The following NCAPD2 variants were observed in gnomAD, a reference collection of about 807,000 sequenced individuals.
The protein encoded by NCAPD2 is non-SMC condensin I complex subunit D2, also known as condensin complex subunit 1.
Under a neutral mutation model 164.5 loss-of-function variants are expected in NCAPD2, and 100 were observed. The ratio of observed to expected loss-of-function variants is 0.61; its 90% CI spans 0.52 to 0.72. NCAPD2 has a LOEUF of 0.72. NCAPD2 is among the 30% of genes least tolerant of loss of function. NCAPD2 has a pLI of 0.00. For synonymous variants in NCAPD2, 585 were observed against 642.6 expected, an observed-to-expected ratio of 0.91 and a Z score of 1.36; for missense variants, 1,560 against 1,749.2, an observed-to-expected ratio of 0.89 and a Z score of 1.93.
rs546441281 is a variant in NCAPD2 at position 6,528,176 on chromosome 12, C to T, written c.3147C>T (p.Ala1049=). 1 of 1,614,190 alleles carries T rather than the reference C, an allele frequency of 6.2e-7. No homozygotes were observed. Among genetic ancestry groups the T allele is most frequent in the South Asian group, 1.1e-5 (1 of 91,082 alleles). The change falls in exon 25 of 32, where the codon GCC becomes GCT. Residue 1049 remains alanine, a synonymous_variant. Transcript: ENST00000315579. This position sits in a 1 kb window ranked among gnomAD's most constrained non-coding sequence, Gnocchi z 5.1. ...LALGKFCMIS[A]TFCDSQLRLL... ...ATGATCCTCTTCTTGCTCTTAGTGC[C>T]ACTTTCTGCGACTCCCAGCTTCGTC...
intron 14 of NCAPD2, 52 bp downstream of exon 14, chr12:6,521,162 A>C: frequency 6.2e-7 from 1 of 1,600,630 alleles, no homozygotes; most frequent in Non-Finnish European, 8.5e-7. Context: ...ACTGGTATTT[A>C]CTGAGCATTA....
At position 6,529,787 on chromosome 12, in the gene NCAPD2, G is replaced by A. The variant is rs1201007026; in HGVS notation, c.3666G>A (p.Gln1222=). 6.2e-7 allele frequency: 1 copy of A among 1,613,232 alleles called. No individual in the cohort carries two copies. Among genetic ancestry groups the A allele is most frequent in the Admixed American group, 1.7e-5 (1 of 59,994 alleles). ...TTCCTATCTGCAGAACTGAGCGGCA[G>A]CAGCGAGACCTGGCCTACTGTGTGT... The part of the protein sequence containing the change: ...QRFRTSRTER[Q]QRDLAYCVSQ... Residue 1222 remains glutamine (Q), a synonymous_variant, in exon 29 of 32, where the codon CAG becomes CAA. Transcript: ENST00000315579.
chr12:6,526,916 T>G lies in NCAPD2; in HGVS notation c.2760T>G (p.Thr920=), dbSNP rs1946322875. The part of the protein sequence containing the change: ...DPKESPAMLP[T]FLLMNLLSLA... Reference sequence around the variant, plus strand: ...AGGAGTCCCCCGCAATGCTCCCCACTTTCCTGTTGATGAACCTGCTGTCCC... The same window carrying G: ...AGGAGTCCCCCGCAATGCTCCCCACGTTCCTGTTGATGAACCTGCTGTCCC... Residue 920 remains threonine (T), a synonymous_variant, in exon 22 of 32, where the codon ACT becomes ACG. Coordinates refer to ENST00000315579, the MANE Select transcript of NCAPD2 (RefSeq NM_014865.4). The G allele has an allele frequency of 1.2e-6, 2 of 1,613,756 alleles. No homozygotes were observed. Among genetic ancestry groups the G allele is most frequent in the East Asian group, 4.5e-5 (2 of 44,870 alleles).
At chr12:6,496,633 C>G (rs1204616925) in intron 2 of NCAPD2, among the ~76,000 whole-genome samples, 3 of 151,708 alleles carry the variant, frequency 2.0e-5, no homozygotes, top group Non-Finnish European at 4.4e-5. Context: ...CTATGTTGCC[C>G]AGGCTGGTCT....
Position 6,517,405 on chromosome 12 carries a change from C to T in NCAPD2, c.1226C>T (p.Ala409Val). Reference protein sequence around the residue: ...LTRFQAVVALAVGRLADKSVL... With the variant: ...LTRFQAVVALVVGRLADKSVL... ...CGTTTCCAGGCAGTGGTGGCTTTAG[C>T]TGTGGGACGTCTGGCAGACAAGTCA... The change falls in exon 11 of 32, where the codon GCT becomes GTT. Residue 409 changes from alanine to valine, a missense_variant. Transcript: ENST00000315579. The T allele has an allele frequency of 3.7e-6, 6 of 1,614,212 alleles. No individual in the cohort carries two copies. Among genetic ancestry groups the T allele is most frequent in the Non-Finnish European group, 5.1e-6 (6 of 1,180,044 alleles).
At chr12:6,514,214 C>G (rs749755231) in intron 6 of NCAPD2, 51 bp from the exon 7 acceptor site, 3 of 1,611,440 alleles carry the variant, frequency 1.9e-6, no homozygotes, top group South Asian at 2.2e-5. Flanking sequence ...GGCTCTGATA[C>G]AATTGGATTC....
In NCAPD2 at chr12:6,510,058, C is replaced by G; in HGVS notation, c.204-17C>G. ...GGCTCCTTCCTGTCTCACCCCCACACTTTCTTTCCCTCATAGTCACTTTCG... is the reference window on the plus strand; with the variant it reads ...GGCTCCTTCCTGTCTCACCCCCACAGTTTCTTTCCCTCATAGTCACTTTCG... On this transcript the variant is annotated splice_polypyrimidine_tract_variant and intron_variant, in intron 3 of 31. Transcript: ENST00000315579. 6.2e-7 allele frequency: 1 copy of G among 1,611,732 alleles called. No homozygotes were observed. The highest frequency in any genetic ancestry group is 8.5e-7 in the Non-Finnish European group (1 of 1,177,808).
rs1176240536 is a variant in NCAPD2 at position 6,531,363 on chromosome 12, A to G, written c.4157A>G (p.Lys1386Arg). 6 of 1,613,970 alleles carry G rather than the reference A, an allele frequency of 3.7e-6. No individual in the cohort carries two copies. Among genetic ancestry groups the G allele is most frequent in the East Asian group, 2.2e-5 (1 of 44,892 alleles). ...GAGATGACAGAAGACGAGACACCCA[A>G]GAAAACAACTCCCATTCTCAGAGCA... Reference protein sequence around the residue: ...SAEMTEDETPKKTTPILRASA... With the variant: ...SAEMTEDETPRKTTPILRASA... The change falls in exon 32 of 32, where the codon AAG (lysine) becomes AGG (arginine). Residue 1386 changes from lysine to arginine, a missense_variant. Physicochemically the swap from Lys to Arg is conservative, Grantham distance 26 (BLOSUM62 2). Transcript: ENST00000315579. The surrounding 1 kb of genome is among the most constrained non-coding windows in gnomAD (Gnocchi z 4.1).
In NCAPD2 at chr12:6,517,517, A is replaced by G; in HGVS notation, c.1320+18A>G. ...CCTGCAAGGTAAGTAGACTTGGTCC[A>G]CCAAAAGAGAAGGAATTAAATGGAA... On this transcript the variant is annotated intron_variant, in intron 11 of 31. Transcript: ENST00000315579. 6.2e-7 allele frequency: 1 copy of G among 1,614,228 alleles called. No individual in the cohort carries two copies. The highest frequency in any genetic ancestry group is 8.5e-7 in the Non-Finnish European group (1 of 1,180,032).
chr12:6,523,085 G>A, intron 16 of NCAPD2, 83 bp downstream of exon 16: 1 of 1,547,270 alleles, frequency 6.5e-7, no homozygotes, highest in South Asian at 1.2e-5. Context: ...AGGAAGAGGT[G>A]CATTTCTCCA....
In NCAPD2 at chr12:6,526,435, T is replaced by C. The variant is rs751496547; in HGVS notation, c.2567-13T>C. 7 of 1,613,912 alleles carry C rather than the reference T, an allele frequency of 4.3e-6. No homozygotes were observed. In the South Asian group the frequency reaches 6.6e-5, roughly 15 times the overall value. ...TTTGTTGCAGTAAACAACTTCTCCCTCCTCCTCTGCAGGCTTTGTCCACCC... is the reference window on the plus strand; with the variant it reads ...TTTGTTGCAGTAAACAACTTCTCCCCCCTCCTCTGCAGGCTTTGTCCACCC... On this transcript the variant is annotated splice_polypyrimidine_tract_variant and intron_variant, in intron 20 of 31. Transcript: ENST00000315579.
chr12:6,497,225 A>G (rs554861699), intron 2 of NCAPD2, among the ~76,000 whole-genome samples: 2 of 152,308 alleles, frequency 1.3e-5, no homozygotes, highest in Admixed American at 6.5e-5. Flanking sequence ...TGTGTCACCA[A>G]TTGAACATGC....
chr12:6,509,083 T>G (rs1946122672), intron 2 of NCAPD2, among the ~76,000 whole-genome samples: 1 of 151,952 alleles, frequency 6.6e-6, no homozygotes, highest in African/African-American at 2.4e-5. Context: ...ACTTTTTTTT[T>G]TTTTTTAAAA....
chr12:6,527,858 C>T lies in NCAPD2; in HGVS notation c.2989C>T (p.Arg997Cys), dbSNP rs750894814. The T allele has an allele frequency of 1.7e-5, 28 of 1,613,674 alleles. No homozygotes were observed. Among genetic ancestry groups the T allele is most frequent in the African/African-American group, 2.7e-5 (2 of 74,926 alleles). ...TADDTEAELI[R>C]GICEMELLDG... ...AGATGACACAGAGGCAGAACTAATC[C>T]GTGGCATCTGCGAGATGGAACTGTT... The change falls in exon 23 of 32, where the codon CGT becomes TGT. Residue 997 changes from arginine to cysteine, a missense_variant. Coordinates refer to ENST00000315579, the MANE Select transcript of NCAPD2 (RefSeq NM_014865.4).
At chr12:6,523,160 G>C (rs1946280898) in intron 16 of NCAPD2, 102 bp from the exon 17 acceptor site, 14 of 1,462,214 alleles carry the variant, frequency 9.6e-6, no homozygotes, top group Middle Eastern at 2.3e-4. Flanking sequence ...GGTTTCCAGG[G>C]AGAGCAGTTT....
chr12:6,505,362 G>A (rs989969587), intron 2 of NCAPD2, among the ~76,000 whole-genome samples: 11 of 152,102 alleles, frequency 7.2e-5, no homozygotes, highest in African/African-American at 2.2e-4. Context: ...CAGCGTGCCC[G>A]GTCTGCCATA....
In NCAPD2 at chr12:6,531,089, C is replaced by T. The variant is rs189325555; in HGVS notation, c.4120+13C>T. 3 of 1,612,560 alleles carry T rather than the reference C, an allele frequency of 1.9e-6. No individual in the cohort carries two copies. In the African/African-American group the frequency reaches 4.0e-5, roughly 22 times the overall value. ...TCCAGTGAGGAAGGTATGATGCTCC[C>T]GCCTGTTCCCGGCCGAGAAGGCACA... On this transcript the variant is annotated intron_variant, in intron 31 of 31. Coordinates refer to ENST00000315579, the MANE Select transcript of NCAPD2 (RefSeq NM_014865.4). The surrounding 1 kb of genome is among the most constrained non-coding windows in gnomAD (Gnocchi z 4.1).
intron 2 of NCAPD2, among the ~76,000 whole-genome samples, chr12:6,497,002 A>G (rs1230635653): frequency 2.0e-5 from 3 of 152,180 alleles, no homozygotes; most frequent in Admixed American, 6.5e-5. Context: ...TTGTTTACCA[A>G]AATGTTACAG....
At chr12:6,503,786 T>A (rs2364498) in intron 2 of NCAPD2, among the ~76,000 whole-genome samples, 113,362 of 145,828 alleles carry the variant, frequency 0.78, 44,490 homozygotes, top group African/African-American at 0.87. Context: ...TTTTTTTTTT[T>A]AAAAAAGATG....
Sources: gnomAD v4.1 joint callset for allele counts (sites outside exome capture counted in the v4.1 genomes callset) on GRCh38, gnomAD v4.1.1 for gene constraint, Gnocchi (gnomAD v3.1) non-coding constraint, MANE v1.5 for transcripts, NCBI Gene and HGNC (gene_info 2026-07-23, HGNC 2026-07-21) for gene names.